CTNNA2: variants seen among roughly 807,000 people sequenced by gnomAD.
The protein encoded by CTNNA2 is catenin alpha 2, also known as catenin alpha-2.
A neutral mutation model predicts 101.0 loss-of-function variants in CTNNA2; 42 were observed. The ratio of observed to expected loss-of-function variants is 0.42; its 90% confidence interval spans 0.32 to 0.54. The LOEUF is 0.54. Among genes scored for constraint, CTNNA2 ranks in the 20% least tolerant of loss-of-function variants. CTNNA2 has a pLI of 0.14. For missense variants in CTNNA2, 871 were observed against 1,223.1 expected, an observed-to-expected ratio of 0.71 and a Z score of 4.29; for synonymous variants, 450 against 456.4, an observed-to-expected ratio of 0.99 and a Z score of 0.18.
intron 15 of CTNNA2, among the ~76,000 whole-genome samples, chr2:80,594,283 A>G (rs1218372295): frequency 6.6e-6 from 1 of 151,994 alleles, no homozygotes; most frequent in East Asian, 1.9e-4. Context: ...GGCATTGTAT[A>G]TCTCCTTTGG....
chr2:79,574,618 T>C (rs1230815492), intron 1 of CTNNA2, among the ~76,000 whole-genome samples: 5 of 152,188 alleles, frequency 3.3e-5, no homozygotes, highest in Non-Finnish European at 5.9e-5. Flanking sequence ...CAGTCTGTCA[T>C]TGGTGGGCAT....
rs189285929 is a variant in CTNNA2 at position 80,022,258 on chromosome 2, G to A, written c.1056+112461G>A. Among the ~76,000 whole-genome samples the A allele has an allele frequency of 2.7e-3, 408 of 152,316 alleles. 1 individual carries two copies. The highest frequency in any genetic ancestry group is 9.5e-3 in the African/African-American group (396 of 41,572). Reference sequence around the variant, plus strand: ...AGCACCTACTAATGGCTGACATGGAGGTGGGCCCTGGAGGTAAAAGGCTGA... The same window carrying A: ...AGCACCTACTAATGGCTGACATGGAAGTGGGCCCTGGAGGTAAAAGGCTGA... On this transcript the variant is annotated intron_variant, in intron 7 of 18. Coordinates refer to ENST00000402739, the MANE Select transcript of CTNNA2 (RefSeq NM_001282597.3).
intron 3 of CTNNA2, among the ~76,000 whole-genome samples, chr2:79,335,248 C>T (rs1475870220): frequency 6.6e-6 from 1 of 152,152 alleles, no homozygotes; most frequent in East Asian, 1.9e-4. Flanking sequence ...GAAACTCTCC[C>T]TATATGCATA....
intron 3 of CTNNA2, among the ~76,000 whole-genome samples, chr2:79,349,604 T>C (rs976315417): frequency 1.1e-4 from 17 of 152,140 alleles, no homozygotes; most frequent in African/African-American, 4.1e-4. Context: ...CACCTATAGA[T>C]TAGATATATT....
At chr2:79,933,604 G>T (rs1256283053) in intron 7 of CTNNA2, among the ~76,000 whole-genome samples, 2 of 152,000 alleles carry the variant, frequency 1.3e-5, no homozygotes, top group Non-Finnish European at 2.9e-5. Flanking sequence ...ACAGGCACCT[G>T]CCACCACACC....
chr2:80,641,281 C>T (rs1673455903), intron 18 of CTNNA2, among the ~76,000 whole-genome samples: 1 of 152,094 alleles, frequency 6.6e-6, no homozygotes, highest in Non-Finnish European at 1.5e-5. Context: ...ATGACATTTG[C>T]ATTATTTTTA....
chr2:80,348,808 G>C (rs908666946), intron 7 of CTNNA2, among the ~76,000 whole-genome samples: 3 of 152,022 alleles, frequency 2.0e-5, no homozygotes, highest in Non-Finnish European at 4.4e-5. Flanking sequence ...TGACTGAGGA[G>C]CACAAGGTAT....
intron 18 of CTNNA2, among the ~76,000 whole-genome samples, chr2:80,628,117 C>T (rs1216264842): frequency 6.6e-6 from 1 of 151,964 alleles, no homozygotes; most frequent in Non-Finnish European, 1.5e-5. Context: ...CAAGAGAGGA[C>T]ACAAACAAAT....
chr2:79,319,917 G>A (rs1676580801), intron 3 of CTNNA2: 1 of 152,130 alleles, frequency 6.6e-6, no homozygotes, highest in Admixed American at 6.6e-5. Context: ...TATTGGTTGG[G>A]GAATTTCAGG....
intron 7 of CTNNA2, among the ~76,000 whole-genome samples, chr2:80,368,119 C>G (rs1675104819): frequency 6.6e-6 from 1 of 152,084 alleles, no homozygotes; most frequent in Non-Finnish European, 1.5e-5. Context: ...ACCTCAGAGG[C>G]CATATCAATG....
At chr2:79,698,626 A>T (rs1446032357) in intron 2 of CTNNA2, among the ~76,000 whole-genome samples, 1 of 152,092 alleles carries the variant, frequency 6.6e-6, no homozygotes, top group East Asian at 1.9e-4. Context: ...CCAAAATATT[A>T]GTGAAAATTG....
intron 2 of CTNNA2, among the ~76,000 whole-genome samples, chr2:79,257,498 T>TAAA (rs61173996): frequency 2.9e-5 from 4 of 136,994 alleles, no homozygotes; most frequent in African/African-American, 1.1e-4. Context: ...GAAAGTAGGT[T>TAAA]AAAAAAAAAA....
At chr2:79,297,697 T>C (rs1193324496) in intron 2 of CTNNA2, among the ~76,000 whole-genome samples, 1 of 152,206 alleles carries the variant, frequency 6.6e-6, no homozygotes, top group Non-Finnish European at 1.5e-5. Context: ...ATCTATCTAA[T>C]CTTTCATCTA....
At chr2:79,345,047 CTTTA>C (rs1474612101) in intron 3 of CTNNA2, among the ~76,000 whole-genome samples, 5 of 149,678 alleles carry the variant, frequency 3.3e-5, no homozygotes, top group Admixed American at 6.7e-5. Context: ...AACTTATGCA[CTTTA>C]TTTATATGGA....
chr2:79,348,569 AG>A (rs1192434182), intron 3 of CTNNA2, among the ~76,000 whole-genome samples: 4 of 152,224 alleles, frequency 2.6e-5, no homozygotes, highest in Non-Finnish European at 4.4e-5. Flanking sequence ...CAATTCTCTC[AG>A]AGTTTCAAAT....
At chr2:79,707,805 A>G (rs1240308026) in intron 2 of CTNNA2, among the ~76,000 whole-genome samples, 5 of 151,472 alleles carry the variant, frequency 3.3e-5, no homozygotes, top group Non-Finnish European at 5.9e-5. Context: ...CTTGCAGCCA[A>G]CTCTTCCTTT....
At chr2:80,148,431 T>A (rs1300436299) in intron 7 of CTNNA2, among the ~76,000 whole-genome samples, 1 of 152,202 alleles carries the variant, frequency 6.6e-6, no homozygotes, top group Non-Finnish European at 1.5e-5. Flanking sequence ...AGCTGGCATG[T>A]TCCAGTCCTT....
chr2:79,699,594 T>C (rs977031481), intron 2 of CTNNA2, among the ~76,000 whole-genome samples: 3 of 151,494 alleles, frequency 2.0e-5, no homozygotes, highest in African/African-American at 7.3e-5. Context: ...TGCAAAGTTC[T>C]TTTTTTTAAT....
At chr2:79,250,299 A>C (rs1674754012) in intron 2 of CTNNA2, among the ~76,000 whole-genome samples, 1 of 152,076 alleles carries the variant, frequency 6.6e-6, no homozygotes, top group African/African-American at 2.4e-5. Flanking sequence ...GCCTTTTCCT[A>C]AGATCTGTCT....
Sources: gnomAD v4.1 joint callset for allele counts (sites outside exome capture counted in the v4.1 genomes callset) on GRCh38, gnomAD v4.1.1 for gene constraint, MANE v1.5 for transcripts, NCBI Gene and HGNC (gene_info 2026-07-23, HGNC 2026-07-21) for gene names.